The following MTRF1 variants were observed in gnomAD, a reference collection of about 807,000 sequenced individuals.
The protein encoded by MTRF1 is peptide chain release factor 1, mitochondrial.
MTRF1 carries 51 observed loss-of-function variants against 62.9 expected under a neutral mutation model. That is an observed-to-expected ratio of 0.81 (90% CI 0.65 to 1.02). MTRF1 has a LOEUF of 1.02. Ranked by LOEUF, MTRF1 falls within the 50% of genes least tolerant of loss-of-function variation. MTRF1 has a pLI of 0.00. For missense variants in MTRF1, 446 were observed against 530.0 expected, an observed-to-expected ratio of 0.84 and a Z score of 1.56; for synonymous variants, 158 against 181.9, an observed-to-expected ratio of 0.87 and a Z score of 1.06.
rs765836572 is a variant in MTRF1 at position 41,260,733 on chromosome 13, T to C, written c.175A>G (p.Arg59Gly). The C allele has an allele frequency of 2.7e-5, 44 of 1,614,112 alleles. No homozygotes were observed. Among genetic ancestry groups the C allele is most frequent in the Admixed American group, 6.7e-5 (4 of 60,000 alleles). Reference protein sequence around the residue: ...ILHLLSKNWSRRYCHQDTKML... With the variant: ...ILHLLSKNWSGRYCHQDTKML... The stretch of plus-strand genomic sequence containing the variant: ...TTGGTGTCTTGATGGCAATATCTCC[T>C]GGACCAATTCTTACTTAACAGATGA... Residue 59 changes from arginine (R) to glycine (G), a missense_variant, in exon 2 of 10, where the codon AGG (arginine) becomes GGG (glycine). Arg to Gly is a moderately radical substitution (Grantham distance 125). Coordinates refer to ENST00000379480, the MANE Select transcript of MTRF1 (RefSeq NM_004294.4).
At chr13:41,287,372 G>A in the MTRF1 span, among the ~76,000 whole-genome samples, 10 of 152,178 alleles carry the variant, frequency 6.6e-5, no homozygotes, top group Admixed American at 1.3e-4. Context: ...AACTCAGAGC[G>A]AGAGCTCACT....
chr13:41,300,693 A>G, the MTRF1 span, among the ~76,000 whole-genome samples: 4 of 152,320 alleles, frequency 2.6e-5, no homozygotes, highest in East Asian at 3.9e-4. Context: ...TGTAGGCATG[A>G]GCCACTGCAC....
intron 5 of MTRF1, among the ~76,000 whole-genome samples, chr13:41,241,266 G>A (rs1394118061): frequency 6.6e-6 from 1 of 152,148 alleles, no homozygotes; most frequent in East Asian, 1.9e-4. Flanking sequence ...GGATGGCCTC[G>A]AACTCCTGAC....
In MTRF1 at chr13:41,260,725, A is replaced by T. The variant is rs142440797; in HGVS notation, c.183T>A (p.Tyr61Ter). ...HLLSKNWSRR[Y>*]CHQDTKMLWK... Reference sequence around the variant, plus strand: ...AGAGCATCTTGGTGTCTTGATGGCAATATCTCCTGGACCAATTCTTACTTA... The same window carrying T: ...AGAGCATCTTGGTGTCTTGATGGCATTATCTCCTGGACCAATTCTTACTTA... The change falls in exon 2 of 10, where the codon TAT (tyrosine) becomes TAA (stop). Residue 61 changes from tyrosine to a stop codon, truncating the protein, a stop_gained. Coordinates refer to ENST00000379480, the MANE Select transcript of MTRF1 (RefSeq NM_004294.4). LOFTEE classifies it high-confidence loss of function. 1 of 1,614,068 alleles carries T rather than the reference A, an allele frequency of 6.2e-7. No individual in the cohort carries two copies. Among genetic ancestry groups the T allele is most frequent in the Non-Finnish European group, 8.5e-7 (1 of 1,180,040 alleles).
At chr13:41,233,565 A>G (rs2035971628) in intron 7 of MTRF1, among the ~76,000 whole-genome samples, 1 of 152,158 alleles carries the variant, frequency 6.6e-6, no homozygotes, top group South Asian at 2.1e-4. Flanking sequence ...CTACAAGGTG[A>G]CAGAATATCC....
intron 6 of MTRF1, among the ~76,000 whole-genome samples, chr13:41,237,739 T>TC (rs1458446779): frequency 2.0e-5 from 3 of 152,034 alleles, no homozygotes; most frequent in Admixed American, 2.0e-4. Flanking sequence ...CCTCAAATGA[T>TC]CCCGTCTGCT....
intron 1 of MTRF1, chr13:41,262,202 T>C (rs1203345484): frequency 6.6e-6 from 1 of 151,922 alleles, no homozygotes; most frequent in Non-Finnish European, 1.5e-5. Context: ...TAGCTGAGCG[T>C]GATGGCACAC....
the MTRF1 span, among the ~76,000 whole-genome samples, chr13:41,287,348 C>A: frequency 6.6e-6 from 1 of 152,118 alleles, no homozygotes; most frequent in Non-Finnish European, 1.5e-5. Context: ...TTTTAAACAA[C>A]CAGATCTCGT....
the MTRF1 span, among the ~76,000 whole-genome samples, chr13:41,273,281 G>A: frequency 3.5e-4 from 53 of 150,914 alleles, no homozygotes; most frequent in African/African-American, 4.6e-4. Flanking sequence ...AGCCGAGATC[G>A]CGCCACTGCA....
chr13:41,240,225 A>G, intron 6 of MTRF1, 36 bp downstream of exon 6: 1 of 1,562,648 alleles, frequency 6.4e-7, no homozygotes, highest in Non-Finnish European at 8.7e-7. Flanking sequence ...ACCCGTTGAC[A>G]TGGAGTGAGT....
At chr13:41,259,760 C>T (rs1486704612) in intron 2 of MTRF1, among the ~76,000 whole-genome samples, 4 of 150,862 alleles carry the variant, frequency 2.7e-5, no homozygotes, top group Admixed American at 6.6e-5. Context: ...CCTGGTTCCA[C>T]TAATGCGCAG....
At chr13:41,228,871 T>G (rs781137142) in intron 7 of MTRF1, among the ~76,000 whole-genome samples, 25 of 152,352 alleles carry the variant, frequency 1.6e-4, no homozygotes, top group Middle Eastern at 3.4e-3. Flanking sequence ...TCACTTTGAA[T>G]TCTAGCAGGG....
At chr13:41,310,080 A>G in the MTRF1 span, among the ~76,000 whole-genome samples, 1 of 152,250 alleles carries the variant, frequency 6.6e-6, no homozygotes, top group Non-Finnish European at 1.5e-5. Flanking sequence ...TTATAGTCTC[A>G]GAAATATGCA....
intron 5 of MTRF1, among the ~76,000 whole-genome samples, chr13:41,248,268 C>T (rs567955549): frequency 1.3e-5 from 2 of 152,296 alleles, no homozygotes; most frequent in African/African-American, 4.8e-5. Flanking sequence ...GTTACAGCCA[C>T]GCACCACCAC....
At chr13:41,220,650 A>C in intron 9 of MTRF1, 1 of 1,235,446 alleles carries the variant, frequency 8.1e-7, no homozygotes. Flanking sequence ...GAGCCTTGGG[A>C]ATAAATAAAT....
chr13:41,241,546 C>T (rs533796016), intron 5 of MTRF1, among the ~76,000 whole-genome samples: 1 of 152,284 alleles, frequency 6.6e-6, no homozygotes, highest in South Asian at 2.1e-4. Flanking sequence ...AATCATTATC[C>T]TGACTTTTAT....
At chr13:41,223,426 G>A in intron 8 of MTRF1, 72 bp from the exon 9 acceptor site, 1 of 1,189,424 alleles carries the variant, frequency 8.4e-7, no homozygotes, top group Non-Finnish European at 1.2e-6. Context: ...AAAGCACTTG[G>A]CAAATGACCA....
intron 3 of MTRF1, among the ~76,000 whole-genome samples, chr13:41,253,957 G>C (rs2039397818): frequency 1.3e-5 from 2 of 152,140 alleles, no homozygotes; most frequent in South Asian, 4.1e-4. Context: ...TGTCTTTGTA[G>C]ACAAACCATC....
chr13:41,220,835 A>G (rs1048984596), intron 9 of MTRF1, among the ~76,000 whole-genome samples: 5 of 152,186 alleles, frequency 3.3e-5, no homozygotes, highest in African/African-American at 1.2e-4. Flanking sequence ...AGAGAGAATA[A>G]TCCTCTCCAT....
Sources: gnomAD v4.1 joint callset for allele counts (sites outside exome capture counted in the v4.1 genomes callset) on GRCh38, gnomAD v4.1.1 for gene constraint, MANE v1.5 for transcripts, NCBI Gene and HGNC (gene_info 2026-07-23, HGNC 2026-07-21) for gene names.